Variants in SPTLC3 observed in about 807,000 individuals in gnomAD.
The protein encoded by SPTLC3 is serine palmitoyltransferase 3.
SPTLC3 carries 36 observed loss-of-function variants against 59.3 expected under a neutral mutation model. The observed-to-expected ratio is 0.61, with a 90% CI of 0.47 to 0.80. The LOEUF is 0.80. SPTLC3 is among the 30% of genes least tolerant of loss of function. The probability of loss-of-function intolerance (pLI) is 0.00; values close to 1 mark genes in which losing one functional copy is unlikely to be tolerated. For synonymous variants in SPTLC3, 257 were observed against 240.8 expected (o/e 1.07, Z -0.62); for missense variants, 625 against 685.1 (o/e 0.91, Z 0.98).
chr20:13,144,096 A>T (rs940955190), intron 9 of SPTLC3, among the ~76,000 whole-genome samples: 2 of 152,154 alleles, frequency 1.3e-5, no homozygotes, highest in African/African-American at 4.8e-5. Context: ...ATGATGATCT[A>T]ACTCTACTGA....
At chr20:13,045,924 C>T (rs1987211036) in intron 1 of SPTLC3, among the ~76,000 whole-genome samples, 1 of 152,038 alleles carries the variant, frequency 6.6e-6, no homozygotes, top group African/African-American at 2.4e-5. Context: ...ACAGGTGAAG[C>T]TCAGAAATGA....
intron 9 of SPTLC3, among the ~76,000 whole-genome samples, chr20:13,140,716 G>C (rs1469958993): frequency 6.6e-6 from 1 of 152,098 alleles, no homozygotes; most frequent in Non-Finnish European, 1.5e-5. Context: ...TGATTAAAAT[G>C]TCAAGGTCTT....
chr20:13,022,994 CA>C (rs1168636692), intron 1 of SPTLC3, among the ~76,000 whole-genome samples: 2 of 152,176 alleles, frequency 1.3e-5, no homozygotes, highest in Middle Eastern at 3.2e-3. Flanking sequence ...AGATGCTGCA[CA>C]GCCTCTTCAC....
At chr20:13,029,594 ATTG>A (rs1226880321) in intron 1 of SPTLC3, among the ~76,000 whole-genome samples, 2 of 152,314 alleles carry the variant, frequency 1.3e-5, no homozygotes, top group South Asian at 2.1e-4. Flanking sequence ...AAATTAATAA[ATTG>A]TTGTGGTGCC....
At chr20:13,067,393 A>C (rs1988263502) in intron 2 of SPTLC3, among the ~76,000 whole-genome samples, 1 of 152,132 alleles carries the variant, frequency 6.6e-6, no homozygotes, top group Non-Finnish European at 1.5e-5. Flanking sequence ...GCTTACATCC[A>C]TGCCAGTCTT....
intron 5 of SPTLC3, among the ~76,000 whole-genome samples, chr20:13,092,914 G>A (rs1199272353): frequency 6.6e-6 from 1 of 152,150 alleles, no homozygotes; most frequent in South Asian, 2.1e-4. Flanking sequence ...CAAGCAGTAA[G>A]TTAGGCTGAC....
intron 1 of SPTLC3, among the ~76,000 whole-genome samples, chr20:13,013,239 C>A (rs1985348399): frequency 6.6e-6 from 1 of 152,156 alleles, no homozygotes; most frequent in African/African-American, 2.4e-5. Flanking sequence ...TTTCTATATC[C>A]TCTTGAAGTC....
intron 4 of SPTLC3, among the ~76,000 whole-genome samples, chr20:13,085,263 A>G (rs1300254577): frequency 6.6e-6 from 1 of 152,194 alleles, no homozygotes; most frequent in Non-Finnish European, 1.5e-5. Flanking sequence ...AACTCACTCA[A>G]AAAGCAATAT....
chr20:13,090,492 G>T (rs1236799408), intron 4 of SPTLC3, among the ~76,000 whole-genome samples: 1 of 152,182 alleles, frequency 6.6e-6, no homozygotes, highest in Non-Finnish European at 1.5e-5. Flanking sequence ...TTAATTACTT[G>T]TGAGATGTAG....
intron 4 of SPTLC3, among the ~76,000 whole-genome samples, chr20:13,085,716 C>T (rs1988982521): frequency 6.6e-6 from 1 of 152,068 alleles, no homozygotes; most frequent in African/African-American, 2.4e-5. Context: ...GAGTATGAGC[C>T]AGTCAGTATC....
At chr20:13,098,010 C>T (rs1989479871) in intron 6 of SPTLC3, among the ~76,000 whole-genome samples, 1 of 152,110 alleles carries the variant, frequency 6.6e-6, no homozygotes, top group African/African-American at 2.4e-5. Flanking sequence ...TGGATCATTT[C>T]ACCATAGTCC....
chr20:13,082,563 T>C (rs1481625291), intron 4 of SPTLC3, among the ~76,000 whole-genome samples: 10 of 139,480 alleles, frequency 7.2e-5, no homozygotes, highest in Non-Finnish European at 1.5e-4. Context: ...TTTTGTGTAT[T>C]GTCTGACTGC....
intron 1 of SPTLC3, among the ~76,000 whole-genome samples, chr20:13,027,920 G>T (rs1296473578): frequency 6.6e-6 from 1 of 152,104 alleles, no homozygotes; most frequent in Non-Finnish European, 1.5e-5. Flanking sequence ...TGTTTTATAT[G>T]ATGTATATTT....
intron 11 of SPTLC3, 33 bp from the exon 12 acceptor site, chr20:13,164,721 A>C: frequency 6.4e-7 from 1 of 1,562,218 alleles, no homozygotes; most frequent in Non-Finnish European, 8.8e-7. Context: ...TTAGGTGTTC[A>C]ATGATAGCTA....
At chr20:13,039,292 T>G (rs1476251694) in intron 1 of SPTLC3, among the ~76,000 whole-genome samples, 1 of 152,102 alleles carries the variant, frequency 6.6e-6, no homozygotes, top group East Asian at 1.9e-4. Context: ...CTTTTTGGGA[T>G]TTTGATGGTA....
At chr20:13,143,924 T>A (rs1388799179) in intron 9 of SPTLC3, among the ~76,000 whole-genome samples, 6 of 152,210 alleles carry the variant, frequency 3.9e-5, no homozygotes, top group African/African-American at 1.4e-4. Flanking sequence ...TCCTGACTAG[T>A]CTTGCTACCT....
chr20:13,024,519 T>C (rs1330288068), intron 1 of SPTLC3, among the ~76,000 whole-genome samples: 1 of 152,176 alleles, frequency 6.6e-6, no homozygotes, highest in Non-Finnish European at 1.5e-5. Flanking sequence ...TTTCTATAGT[T>C]TTTTTTCTTT....
At chr20:13,096,151 C>G (rs1044901137) in intron 6 of SPTLC3, among the ~76,000 whole-genome samples, 1 of 152,086 alleles carries the variant, frequency 6.6e-6, no homozygotes, top group African/African-American at 2.4e-5. Flanking sequence ...ATGGAGCCAC[C>G]ACTAGAATGC....
At chr20:13,068,140 T>G (rs992532230) in intron 2 of SPTLC3, among the ~76,000 whole-genome samples, 5 of 152,312 alleles carry the variant, frequency 3.3e-5, no homozygotes, top group African/African-American at 1.2e-4. Context: ...CTTGGAAAAT[T>G]ATAAATTATC....
Sources: gnomAD v4.1 joint callset for allele counts (sites outside exome capture counted in the v4.1 genomes callset) on GRCh38, gnomAD v4.1.1 for gene constraint, MANE v1.5 for transcripts, NCBI Gene and HGNC (gene_info 2026-07-23, HGNC 2026-07-21) for gene names.